Variants in MAGI3 observed in about 807,000 individuals in gnomAD.
MAGI3 encodes the protein membrane associated guanylate kinase, WW and PDZ domain containing 3, also known as membrane-associated guanylate kinase, WW and PDZ domain-containing protein 3.
A neutral mutation model predicts 121.8 loss-of-function variants in MAGI3; 43 were observed. The ratio of observed to expected loss-of-function variants is 0.35; its 90% CI spans 0.28 to 0.46. The LOEUF is 0.46. Among genes scored for constraint, MAGI3 ranks in the 20% least tolerant of loss-of-function variants. The probability of loss-of-function intolerance (pLI) is 1.00; values close to 1 mark genes in which losing one functional copy is unlikely to be tolerated. For missense variants in MAGI3, 1,547 were observed against 1,797.3 expected, an observed-to-expected ratio of 0.86 and a Z score of 2.52; for synonymous variants, 553 against 639.3, an observed-to-expected ratio of 0.86 and a Z score of 2.04.
At chr1:113,611,935 A>T (rs1212458960) in intron 6 of MAGI3, among the ~76,000 whole-genome samples, 2 of 143,490 alleles carry the variant, frequency 1.4e-5, no homozygotes, top group South Asian at 4.6e-4. Context: ...CCTAATCCCA[A>T]CTTATTTATT....
chr1:113,641,856 A>G, intron 9 of MAGI3, 55 bp from the exon 10 acceptor site: 1 of 1,491,450 alleles, frequency 6.7e-7, no homozygotes, highest in East Asian at 2.3e-5. Flanking sequence ...CCTCTAGCAA[A>G]AAAATTAACT....
At chr1:113,522,922 T>C (rs551610337) in intron 1 of MAGI3, among the ~76,000 whole-genome samples, 102 of 152,334 alleles carry the variant, frequency 6.7e-4, no homozygotes, top group African/African-American at 2.3e-3. Flanking sequence ...AAGTATTTAC[T>C]ATGCAGTCTG....
At chr1:113,392,460 CCTT>C (rs896939333) in intron 1 of MAGI3, among the ~76,000 whole-genome samples, 31 of 152,244 alleles carry the variant, frequency 2.0e-4, no homozygotes, top group African/African-American at 6.0e-4. Flanking sequence ...TATGTTATCT[CCTT>C]CTCATTTCTT....
At chr1:113,462,052 G>A (rs1260177895) in intron 1 of MAGI3, among the ~76,000 whole-genome samples, 3 of 151,598 alleles carry the variant, frequency 2.0e-5, no homozygotes, top group Non-Finnish European at 4.4e-5. Context: ...GTTATCATTA[G>A]TCAAAAAATA....
chr1:113,417,755 C>T (rs761416119), intron 1 of MAGI3, among the ~76,000 whole-genome samples: 6 of 152,076 alleles, frequency 3.9e-5, no homozygotes, highest in South Asian at 4.1e-4. Context: ...TTGTCTGTCC[C>T]GTTAGTCTGT....
In MAGI3 at chr1:113,672,704, C is replaced by A; in HGVS notation, c.3008C>A (p.Thr1003Asn). The change falls in exon 18 of 21, where the codon ACC becomes AAC. Residue 1003 changes from threonine (T) to asparagine (N), a missense_variant. By Grantham distance (65) the Thr-to-Asn change is moderately conservative. Transcript: ENST00000307546. ...CACAAGCACCTTGCACAGCCTGACA[C>A]CGCAGTAATTTCAGTTGTAGGCAGT... ...SDHKHLAQPD[T>N]AVISVVGSRH... is the part of the protein sequence containing the mutation. The A allele has an allele frequency of 1.9e-6, 3 of 1,613,706 alleles. No individual in the cohort carries two copies. Among genetic ancestry groups the A allele is most frequent in the Non-Finnish European group, 2.5e-6 (3 of 1,179,852 alleles).
chr1:113,421,575 TCAA>T (rs1412686314), intron 1 of MAGI3, among the ~76,000 whole-genome samples: 1 of 152,228 alleles, frequency 6.6e-6, no homozygotes, highest in African/African-American at 2.4e-5. Flanking sequence ...TGAGGGTCCA[TCAA>T]CTTTTATGTA....
chr1:113,424,414 C>A (rs373768814), intron 1 of MAGI3, among the ~76,000 whole-genome samples: 9 of 152,102 alleles, frequency 5.9e-5, no homozygotes, highest in Non-Finnish European at 1.0e-4. Flanking sequence ...CTCTTTGCCA[C>A]CCCTCCTTCC....
intron 1 of MAGI3, among the ~76,000 whole-genome samples, chr1:113,496,835 A>T (rs1656940470): frequency 6.6e-6 from 1 of 152,218 alleles, no homozygotes; most frequent in Admixed American, 6.5e-5. Flanking sequence ...TTTTTAAAGT[A>T]ATTGTTATCT....
intron 1 of MAGI3, among the ~76,000 whole-genome samples, chr1:113,472,880 A>G (rs1166391914): frequency 6.6e-6 from 1 of 152,228 alleles, no homozygotes. Flanking sequence ...CATTTTATGT[A>G]ATTGATGTCA....
chr1:113,646,385 A>C, intron 11 of MAGI3, 101 bp from the exon 12 acceptor site: 2 of 933,606 alleles, frequency 2.1e-6, no homozygotes, highest in Non-Finnish European at 3.1e-6. Flanking sequence ...CCACCTATAC[A>C]ACTATAATCA....
At chr1:113,617,098 A>G (rs1650522115) in intron 7 of MAGI3, among the ~76,000 whole-genome samples, 1 of 152,132 alleles carries the variant, frequency 6.6e-6, no homozygotes, top group South Asian at 2.1e-4. Flanking sequence ...CATGTTGGCC[A>G]GGCTGGTCTT....
At position 113,685,888 on chromosome 1, in the gene MAGI3, G is replaced by T. The variant is rs113634983; in HGVS notation, c.*1874G>T. On this transcript the variant is annotated 3_prime_UTR_variant, in exon 21 of 21. Transcript: ENST00000307546. ...CTGATTAGAGAAAGATCTGTAAATTGCTCATTATTTTTTATATAGATATTT... is the reference window on the plus strand; with the variant it reads ...CTGATTAGAGAAAGATCTGTAAATTTCTCATTATTTTTTATATAGATATTT... 3 of 152,178 alleles carry T rather than the reference G, an allele frequency of 2.0e-5. No individual in the cohort carries two copies. The highest frequency in any genetic ancestry group is 7.2e-5 in the African/African-American group (3 of 41,464). 9.4% of individuals were successfully genotyped at this position (152,178 alleles called of 1,614,324 possible).
intron 1 of MAGI3, among the ~76,000 whole-genome samples, chr1:113,405,311 C>T (rs752994965): frequency 7.3e-5 from 11 of 151,388 alleles, no homozygotes; most frequent in Non-Finnish European, 1.2e-4. Context: ...CCCATCTCTA[C>T]AAAAAAATAC....
intron 1 of MAGI3, among the ~76,000 whole-genome samples, chr1:113,535,316 A>G (rs914040894): frequency 2.6e-5 from 4 of 152,006 alleles, no homozygotes; most frequent in African/African-American, 9.7e-5. Context: ...AAAACCTCTC[A>G]ATAGAAAGTT....
intron 11 of MAGI3, among the ~76,000 whole-genome samples, chr1:113,645,608 G>A (rs1436566687): frequency 6.6e-6 from 1 of 152,092 alleles, no homozygotes; most frequent in East Asian, 1.9e-4. Context: ...TAGCTTCTCT[G>A]CCTTCTCATT....
intron 1 of MAGI3, among the ~76,000 whole-genome samples, chr1:113,511,101 T>A (rs1489602829): frequency 1.3e-5 from 2 of 152,216 alleles, no homozygotes; most frequent in African/African-American, 2.4e-5. Flanking sequence ...TGCCTTTATA[T>A]ATTGTATTGG....
intron 1 of MAGI3, among the ~76,000 whole-genome samples, chr1:113,398,895 T>C (rs1341398769): frequency 6.6e-6 from 1 of 152,006 alleles, no homozygotes. Flanking sequence ...AGCTTAGATC[T>C]CAGCAGGAAA....
At chr1:113,480,358 C>G (rs1570737215) in intron 1 of MAGI3, among the ~76,000 whole-genome samples, 1 of 152,042 alleles carries the variant, frequency 6.6e-6, no homozygotes, top group Admixed American at 6.5e-5. Flanking sequence ...TGGCCTGGTA[C>G]TGGGGGGAGT....
Sources: allele counts gnomAD v4.1 joint callset (sites outside exome capture counted in the v4.1 genomes callset), GRCh38; gene constraint gnomAD v4.1.1; transcripts MANE v1.5; gene names NCBI Gene and HGNC (gene_info 2026-07-23, HGNC 2026-07-21).